Variants in AURKA observed in about 807,000 individuals in gnomAD.
AURKA encodes the protein aurora 2.
Under a neutral mutation model 40.9 loss-of-function variants are expected in AURKA, and 12 were observed. That is an observed-to-expected ratio of 0.29 (90% CI 0.19 to 0.48). The LOEUF is 0.48. Ranked by LOEUF, AURKA falls within the 20% of genes least tolerant of loss-of-function variation. AURKA has a pLI of 0.99. For synonymous variants in AURKA, 170 were observed against 164.3 expected, an observed-to-expected ratio of 1.03 and a Z score of -0.26; for missense variants, 322 against 462.1, an observed-to-expected ratio of 0.70 and a Z score of 2.78.
intron 1 of AURKA, among the ~76,000 whole-genome samples, chr20:56,388,984 G>C (rs1489998154): frequency 1.3e-5 from 2 of 151,990 alleles, no homozygotes; most frequent in East Asian, 3.9e-4. Flanking sequence ...CCACCACATT[G>C]TCAGGCTCAT....
intron 6 of AURKA, among the ~76,000 whole-genome samples, chr20:56,379,985 GAAGTGTA>G (rs1357369658): frequency 6.8e-6 from 1 of 146,326 alleles, no homozygotes; most frequent in Non-Finnish European, 1.5e-5. Context: ...AAAAAAAAAG[GAAGTGTA>G]AAAACAAACC....
At chr20:56,386,230 TCCAA>T (rs1986340831) in intron 3 of AURKA, 23 bp downstream of exon 3, 4 of 1,613,844 alleles carry the variant, frequency 2.5e-6, no homozygotes, top group Non-Finnish European at 3.4e-6. Flanking sequence ...AGAAGGACTA[TCCAA>T]TGAGTCTCAA....
In AURKA at chr20:56,369,740, A is replaced by G. The variant is rs981137092; in HGVS notation, c.*418T>C. On this transcript the variant is annotated 3_prime_UTR_variant, in exon 9 of 9. Transcript: ENST00000395915. Reference sequence around the variant, plus strand: ...CCAACAGCTTTACCAGGCTTCGCCAACCCAATAAGTTACACACTCACTCAG... The same window carrying G: ...CCAACAGCTTTACCAGGCTTCGCCAGCCCAATAAGTTACACACTCACTCAG... 2 of 373,538 alleles carry G rather than the reference A, an allele frequency of 5.4e-6. No homozygotes were observed. Among genetic ancestry groups the G allele is most frequent in the African/African-American group, 2.0e-5 (1 of 50,394 alleles). 23.1% of individuals were successfully genotyped at this position (373,538 alleles called of 1,614,324 possible).
chr20:56,388,404 C>T, intron 1 of AURKA: 1 of 609,146 alleles, frequency 1.6e-6, no homozygotes, highest in Non-Finnish European at 2.9e-6. Context: ...GGCACTGCGT[C>T]CCATCCTCTG....
At chr20:56,389,664 A>G (rs1338898446) in intron 1 of AURKA, among the ~76,000 whole-genome samples, 3 of 152,114 alleles carry the variant, frequency 2.0e-5, no homozygotes, top group East Asian at 3.9e-4. Context: ...CGGCATCTCC[A>G]TTCTAACATG....
At chr20:56,388,311 C>A in intron 1 of AURKA, 109 bp from the exon 2 acceptor site, 1 of 949,942 alleles carries the variant, frequency 1.1e-6, no homozygotes, top group Non-Finnish European at 1.7e-6. Context: ...CCACAACACA[C>A]CGGATTTTAC....
rs972895205 is a variant in AURKA, at chr20:56,381,500, G to A, written c.638C>T (p.Ala213Val). The A allele has an allele frequency of 1.9e-6, 3 of 1,613,730 alleles. No homozygotes were observed. Among genetic ancestry groups the A allele is most frequent in the African/African-American group, 1.3e-5 (1 of 74,906 alleles). ...ATRVYLILEY[A>V]PLGTVYRELQ... ...TTCTCTATAAACTGTTCCAAGTGGTGCATATTCCAGAATTAGGTAGACTCT... is the reference window on the plus strand; with the variant it reads ...TTCTCTATAAACTGTTCCAAGTGGTACATATTCCAGAATTAGGTAGACTCT... Residue 213 changes from alanine to valine, a missense_variant, in exon 6 of 9, where the codon GCA (alanine) becomes GTA (valine). By Grantham distance (64) the Ala-to-Val change is moderately conservative (BLOSUM62 0). Coordinates refer to ENST00000395915, the MANE Select transcript of AURKA (RefSeq NM_198437.3).
chr20:56,374,874 C>A (rs1242912754), intron 6 of AURKA, among the ~76,000 whole-genome samples: 2 of 152,072 alleles, frequency 1.3e-5, no homozygotes, highest in Admixed American at 6.5e-5. Context: ...ATGGTGAAAC[C>A]CTGTCTTTAC....
chr20:56,386,648 A>G (rs1986419961), intron 2 of AURKA, 115 bp from the exon 3 acceptor site: 4 of 1,180,456 alleles, frequency 3.4e-6, no homozygotes, highest in Non-Finnish European at 4.9e-6. Context: ...GTCACTGATA[A>G]GAGATGGAAG....
intron 6 of AURKA, among the ~76,000 whole-genome samples, chr20:56,377,422 T>C (rs1456582871): frequency 1.4e-5 from 2 of 146,282 alleles, no homozygotes; most frequent in Admixed American, 6.8e-5. Flanking sequence ...AACTCAAAAC[T>C]CAAAAAAAAA....
intron 1 of AURKA, among the ~76,000 whole-genome samples, chr20:56,391,092 A>T (rs1306689917): frequency 6.6e-6 from 1 of 152,238 alleles, no homozygotes; most frequent in Admixed American, 6.5e-5. Context: ...GAAGAACCAG[A>T]TGACTTTCAC....
chr20:56,388,092 C>T (rs777288954), intron 2 of AURKA, 64 bp downstream of exon 2: 3 of 106,942 alleles, frequency 2.8e-5, no homozygotes, highest in Admixed American at 2.7e-4. Context: ...GAAAGAATTC[C>T]CGACAAGACC....
In AURKA at chr20:56,369,619, GAC is replaced by G. The variant is rs375567581; in HGVS notation, c.*537_*538del. 5.3e-3 allele frequency: 1,439 copies of G among 270,200 alleles called. 16 individuals carry two copies. Among genetic ancestry groups the G allele is most frequent in the African/African-American group, 0.027 (1,284 of 46,938 alleles). The allele number at this position is 270,200 out of a possible 1,614,324, so 16.7% of individuals were successfully genotyped here. On this transcript the variant is annotated 3_prime_UTR_variant, in exon 9 of 9. Transcript: ENST00000395915. ...ATCAGGCCTACCGGGGTGCCGGACAGACACACAGCATTCCTAAAGGAATGCCA... is the reference window on the plus strand; with the variant it reads ...ATCAGGCCTACCGGGGTGCCGGACAGACACAGCATTCCTAAAGGAATGCCA...
At chr20:56,377,271 T>G (rs1189151400) in intron 6 of AURKA, among the ~76,000 whole-genome samples, 1 of 152,034 alleles carries the variant, frequency 6.6e-6, no homozygotes, top group Non-Finnish European at 1.5e-5. Flanking sequence ...AGTGAAACCC[T>G]TTCTCAAAAA....
In AURKA at chr20:56,370,488, T is replaced by G. The variant is rs759640621; in HGVS notation, c.1026A>C (p.Ser342=). ...GTCCTTTTCAGTTGCGTCTTACCCGTGATATTCTTTTGTAGGTCTCTTGGT... is the reference window on the plus strand; with the variant it reads ...GTCCTTTTCAGTTGCGTCTTACCCGGGATATTCTTTTGTAGGTCTCTTGGT... ...NTYQETYKRI[S]RVEFTFPDFV... Residue 342 remains serine (S), a synonymous_variant, in exon 8 of 9, where the codon TCA becomes TCC. Coordinates refer to ENST00000395915, the MANE Select transcript of AURKA (RefSeq NM_198437.3). The G allele has an allele frequency of 6.2e-6, 10 of 1,614,234 alleles. No individual in the cohort carries two copies. Among genetic ancestry groups the G allele is most frequent in the Non-Finnish European group, 6.8e-6 (8 of 1,180,040 alleles).
At chr20:56,387,133 A>T (rs1391721705) in intron 2 of AURKA, among the ~76,000 whole-genome samples, 1 of 152,182 alleles carries the variant, frequency 6.6e-6, no homozygotes, top group Admixed American at 6.5e-5. Context: ...TAGACACTTC[A>T]CAAAGTTACT....
At chr20:56,374,015 CTACACACACA>C (rs1338612878) in intron 6 of AURKA, among the ~76,000 whole-genome samples, 5 of 132,176 alleles carry the variant, frequency 3.8e-5, no homozygotes, top group African/African-American at 1.5e-4. Context: ...ATATAGGAGT[CTACACACACA>C]CACACACACA....
At chr20:56,389,176 G>T (rs1284372787) in intron 1 of AURKA, among the ~76,000 whole-genome samples, 1 of 152,124 alleles carries the variant, frequency 6.6e-6, no homozygotes, top group Non-Finnish European at 1.5e-5. Flanking sequence ...ATTTTTGCCA[G>T]ATCAAGGGTC....
chr20:56,382,339 G>A (rs1985825342), intron 5 of AURKA, among the ~76,000 whole-genome samples: 1 of 152,190 alleles, frequency 6.6e-6, no homozygotes, highest in Non-Finnish European at 1.5e-5. Flanking sequence ...GCCCATGTGA[G>A]ATGCCTGCCC....
Sources: gnomAD v4.1 joint callset for allele counts (sites outside exome capture counted in the v4.1 genomes callset) on GRCh38, gnomAD v4.1.1 for gene constraint, MANE v1.5 for transcripts, NCBI Gene and HGNC (gene_info 2026-07-23, HGNC 2026-07-21) for gene names.